The following SNTB1 variants were observed in gnomAD, a reference collection of about 807,000 sequenced individuals.
The protein encoded by SNTB1 is syntrophin beta 1.
A neutral mutation model predicts 48.9 loss-of-function variants in SNTB1; 36 were observed. The ratio of observed to expected loss-of-function variants is 0.74; its 90% confidence interval spans 0.56 to 0.97. SNTB1 has a LOEUF of 0.97. SNTB1 is among the 50% of genes least tolerant of loss of function. The pLI, the probability that SNTB1 is intolerant of heterozygous loss-of-function variation, is 0.00. For missense variants in SNTB1, 786 were observed against 703.4 expected, an observed-to-expected ratio of 1.12 and a Z score of -1.33; for synonymous variants, 299 against 294.6, an observed-to-expected ratio of 1.01 and a Z score of -0.15.
At chr8:120,651,523 A>G (rs1817411022) in intron 2 of SNTB1, among the ~76,000 whole-genome samples, 1 of 152,260 alleles carries the variant, frequency 6.6e-6, no homozygotes, top group South Asian at 2.1e-4. Flanking sequence ...TGAGCTAATC[A>G]GTGACTCTGT....
At chr8:120,728,971 T>C (rs1818806809) in intron 1 of SNTB1, among the ~76,000 whole-genome samples, 1 of 151,300 alleles carries the variant, frequency 6.6e-6, no homozygotes, top group African/African-American at 2.4e-5. Context: ...CTCCAGCATC[T>C]GTTGTTTACT....
At chr8:120,649,313 C>T (rs1817361638) in intron 2 of SNTB1, among the ~76,000 whole-genome samples, 1 of 147,356 alleles carries the variant, frequency 6.8e-6, no homozygotes, top group South Asian at 2.2e-4. Context: ...TACTTTTGGT[C>T]TTTGATGATG....
At chr8:120,688,622 T>A (rs753689135) in intron 2 of SNTB1, among the ~76,000 whole-genome samples, 4 of 152,028 alleles carry the variant, frequency 2.6e-5, no homozygotes, top group Admixed American at 2.0e-4. Context: ...TAACAAGACA[T>A]TGATATCTGA....
At chr8:120,746,231 T>A (rs1819123434) in intron 1 of SNTB1, among the ~76,000 whole-genome samples, 1 of 152,220 alleles carries the variant, frequency 6.6e-6, no homozygotes, top group Non-Finnish European at 1.5e-5. Context: ...GATGAAGACC[T>A]GTATGATGAT....
In SNTB1 at chr8:120,538,166, G is replaced by A. The variant is rs1815229215; in HGVS notation, c.*711C>T. On this transcript the variant is annotated 3_prime_UTR_variant, in exon 7 of 7. Transcript: ENST00000517992. ...TTTGTGCATACAACTCTTTAGCAAA[G>A]CTTATCAATTTAAGCAGTCTACTTT... 6.4e-6 allele frequency: 1 copy of A among 155,198 alleles called. No individual in the cohort carries two copies. Among genetic ancestry groups the A allele is most frequent in the African/African-American group, 2.4e-5 (1 of 41,450 alleles). 9.6% of individuals were successfully genotyped at this position (155,198 alleles called of 1,614,324 possible).
intron 1 of SNTB1, among the ~76,000 whole-genome samples, chr8:120,734,378 CAG>C (rs1247442758): frequency 1.3e-5 from 2 of 148,876 alleles, no homozygotes; most frequent in Non-Finnish European, 2.9e-5. Flanking sequence ...ACCCGGGAGT[CAG>C]AGGTTGCAGT....
chr8:120,623,765 T>C (rs1230461698), intron 3 of SNTB1, among the ~76,000 whole-genome samples: 2 of 152,268 alleles, frequency 1.3e-5, no homozygotes, highest in East Asian at 1.9e-4. Context: ...AGGAAAATCA[T>C]TGTGTTTTGA....
At chr8:120,782,427 A>T (rs1476656321) in intron 1 of SNTB1, among the ~76,000 whole-genome samples, 1 of 152,170 alleles carries the variant, frequency 6.6e-6, no homozygotes, top group Non-Finnish European at 1.5e-5. Context: ...CTTTTTTTAA[A>T]AAAAGTTTTT....
intron 1 of SNTB1, among the ~76,000 whole-genome samples, chr8:120,723,746 G>C (rs965643758): frequency 2.6e-5 from 4 of 152,140 alleles, no homozygotes; most frequent in Admixed American, 1.3e-4. Context: ...TTACAAAAGG[G>C]GATGATAATA....
chr8:120,674,844 G>T (rs73708607), intron 2 of SNTB1, among the ~76,000 whole-genome samples: 3,421 of 152,144 alleles, frequency 0.022, 124 homozygotes, highest in African/African-American at 0.077. Context: ...TCAAAAATTA[G>T]CGGCCTTGTC....
Position 120,788,984 on chromosome 8 carries a change from T to A in SNTB1, c.571+22289A>T, listed in dbSNP as rs1819974851. 2.0e-5 allele frequency among the ~76,000 whole-genome samples: 3 copies of A among 152,056 alleles called. No individual in the cohort carries two copies. The South Asian group carries it at 6.2e-4, about 31-fold the overall frequency. ...AAAACATTCTCCAAGAGAGACTATA[T>A]GATAGGCCACAAAACAAGCCTCAAT... On this transcript the variant is annotated intron_variant, in intron 1 of 6. Transcript: ENST00000517992.
intron 2 of SNTB1, among the ~76,000 whole-genome samples, chr8:120,658,231 A>G (rs1371843398): frequency 6.6e-6 from 1 of 152,226 alleles, no homozygotes; most frequent in African/African-American, 2.4e-5. Flanking sequence ...AGAACCTGTT[A>G]ACAGGAACTA....
chr8:120,695,992 A>G (rs1052187412), intron 1 of SNTB1, among the ~76,000 whole-genome samples: 1 of 152,218 alleles, frequency 6.6e-6, no homozygotes, highest in African/African-American at 2.4e-5. Context: ...CATACTCATG[A>G]ACAAATGCAG....
intron 1 of SNTB1, among the ~76,000 whole-genome samples, chr8:120,784,927 C>A (rs1017968910): frequency 6.6e-6 from 1 of 152,172 alleles, no homozygotes; most frequent in Non-Finnish European, 1.5e-5. Flanking sequence ...CAACCCCACA[C>A]TGGGGAGTCC....
intron 1 of SNTB1, among the ~76,000 whole-genome samples, chr8:120,801,603 G>A (rs575052519): frequency 2.0e-5 from 3 of 152,026 alleles, no homozygotes; most frequent in East Asian, 3.9e-4. Flanking sequence ...TAACAATATT[G>A]TATGACTATT....
At chr8:120,808,581 C>G (rs1820376044) in intron 1 of SNTB1, among the ~76,000 whole-genome samples, 1 of 152,184 alleles carries the variant, frequency 6.6e-6, no homozygotes, top group Non-Finnish European at 1.5e-5. Context: ...TGATATACGC[C>G]TTTCATTCTC....
At chr8:120,593,375 C>T (rs557068413) in intron 3 of SNTB1, among the ~76,000 whole-genome samples, 3 of 152,300 alleles carry the variant, frequency 2.0e-5, no homozygotes, top group Admixed American at 6.5e-5. Flanking sequence ...TCAGCACCCT[C>T]GGGTCTCATG....
At chr8:120,730,949 G>A (rs200857052) in intron 1 of SNTB1, among the ~76,000 whole-genome samples, 13 of 151,156 alleles carry the variant, frequency 8.6e-5, no homozygotes, top group African/African-American at 2.9e-4. Context: ...GTGAAACCCC[G>A]GTCTCTACTA....
At chr8:120,595,456 C>A (rs559947708) in intron 3 of SNTB1, among the ~76,000 whole-genome samples, 6 of 151,676 alleles carry the variant, frequency 4.0e-5, no homozygotes, top group African/African-American at 1.5e-4. Context: ...CCTATATGGT[C>A]TAAAAGGGGG....
Sources: gnomAD v4.1 joint callset for allele counts (sites outside exome capture counted in the v4.1 genomes callset) on GRCh38, gnomAD v4.1.1 for gene constraint, MANE v1.5 for transcripts, NCBI Gene and HGNC (gene_info 2026-07-23, HGNC 2026-07-21) for gene names.